ASAP2: variants seen among roughly 807,000 people sequenced by gnomAD.
ASAP2 encodes ArfGAP with SH3 domain, ankyrin repeat and PH domain 2.
A neutral mutation model predicts 131.4 loss-of-function variants in ASAP2; 45 were observed. That is an observed-to-expected ratio of 0.34 (90% CI 0.27 to 0.44). The LOEUF is 0.44. Among genes scored for constraint, ASAP2 ranks in the 20% least tolerant of loss-of-function variants. The pLI, the probability that ASAP2 is intolerant of heterozygous loss-of-function variation, is 1.00. For synonymous variants in ASAP2, 510 were observed against 503.0 expected (o/e 1.01, Z -0.19); for missense variants, 1,011 against 1,297.0 (o/e 0.78, Z 3.39).
intron 2 of ASAP2, among the ~76,000 whole-genome samples, chr2:9,286,465 G>T (rs962982783): frequency 1.4e-5 from 2 of 145,304 alleles, no homozygotes; most frequent in African/African-American, 5.3e-5. Context: ...TATATATACT[G>T]TATCTGATTT....
chr2:9,349,753 G>T (rs1672209905), intron 11 of ASAP2, among the ~76,000 whole-genome samples: 2 of 152,170 alleles, frequency 1.3e-5, no homozygotes, highest in African/African-American at 4.8e-5. Flanking sequence ...GCAAGGATGG[G>T]TTCAACTCTC....
intron 19 of ASAP2, 107 bp from the exon 20 acceptor site, chr2:9,380,634 C>T (rs1674765006): frequency 2.0e-6 from 2 of 1,025,624 alleles, no homozygotes; most frequent in Non-Finnish European, 1.6e-6. Flanking sequence ...TAACCAGGCC[C>T]AATTTAATTT....
chr2:9,331,870 A>T (rs1410899298), intron 7 of ASAP2, among the ~76,000 whole-genome samples: 1 of 152,176 alleles, frequency 6.6e-6, no homozygotes. Context: ...GCTGTTGCTC[A>T]GTGAACTTGG....
intron 25 of ASAP2, 94 bp from the exon 26 acceptor site, chr2:9,400,648 C>T: frequency 3.4e-6 from 4 of 1,189,940 alleles, no homozygotes; most frequent in Non-Finnish European, 5.0e-6. Flanking sequence ...CTGGGGAAAC[C>T]TGCTTTCAGA....
In ASAP2 at chr2:9,207,493, C is replaced by T. The variant is rs1661201040; in HGVS notation, c.126+263C>T. ...GTTCCGCGGCCTGGTCTTTTCCCCGCAGCGCGGCCAACTTTGTCCAGAGTC... is the reference window on the plus strand; with the variant it reads ...GTTCCGCGGCCTGGTCTTTTCCCCGTAGCGCGGCCAACTTTGTCCAGAGTC... On this transcript the variant is annotated intron_variant, in intron 1 of 27. Transcript: ENST00000281419. The surrounding 1 kb of genome is among the most constrained non-coding windows in gnomAD (Gnocchi z 4.1). Among the ~76,000 whole-genome samples, 1 of 152,016 alleles carries T rather than the reference C, an allele frequency of 6.6e-6. No individual in the cohort carries two copies. Among genetic ancestry groups the T allele is most frequent in the Admixed American group, 6.5e-5 (1 of 15,278 alleles).
At chr2:9,352,344 C>T (rs897106492) in intron 12 of ASAP2, among the ~76,000 whole-genome samples, 2 of 152,164 alleles carry the variant, frequency 1.3e-5, no homozygotes, top group Admixed American at 6.5e-5. Context: ...CTGATGTCTG[C>T]CAGTGGCTGG....
At chr2:9,318,895 G>A (rs1378980411) in intron 4 of ASAP2, among the ~76,000 whole-genome samples, 1 of 152,264 alleles carries the variant, frequency 6.6e-6, no homozygotes, top group Non-Finnish European at 1.5e-5. Flanking sequence ...TCTCCAGGGA[G>A]CAGGGAAACC....
chr2:9,300,669 A>G (rs1668423965), intron 3 of ASAP2, among the ~76,000 whole-genome samples: 1 of 152,222 alleles, frequency 6.6e-6, no homozygotes, highest in Non-Finnish European at 1.5e-5. Flanking sequence ...TGTGCAGGAT[A>G]GTTTGTATCA....
intron 12 of ASAP2, among the ~76,000 whole-genome samples, chr2:9,355,373 C>G (rs528860231): frequency 2.6e-5 from 4 of 152,244 alleles, no homozygotes; most frequent in South Asian, 4.1e-4. Flanking sequence ...TTGGATTTCT[C>G]TAGTGTTTTC....
chr2:9,332,776 T>C (rs189155016), intron 7 of ASAP2, among the ~76,000 whole-genome samples: 1 of 152,292 alleles, frequency 6.6e-6, no homozygotes. Context: ...TTCACAAGAA[T>C]TTGAAATGAT....
chr2:9,335,084 T>TG lies in ASAP2; in HGVS notation c.763-9_763-8insG, dbSNP rs753203185. The TG allele has an allele frequency of 6.2e-7, 1 of 1,613,528 alleles. No homozygotes were observed. Among genetic ancestry groups the TG allele is most frequent in the Non-Finnish European group, 8.5e-7 (1 of 1,179,554 alleles). On this transcript the variant is annotated splice_polypyrimidine_tract_variant and intron_variant, in intron 8 of 27. Coordinates refer to ENST00000281419, the MANE Select transcript of ASAP2 (RefSeq NM_003887.3). ...TGATTGGTTCTGTTGTGTGTGTGTG[T>TG]TTTTAAAGATCAAACAGGCCCAGGA...
chr2:9,228,533 A>C (rs1456800309), intron 1 of ASAP2, among the ~76,000 whole-genome samples: 1 of 152,092 alleles, frequency 6.6e-6, no homozygotes, highest in Non-Finnish European at 1.5e-5. Context: ...GAGTAAACCC[A>C]TTTGGGAGCT....
chr2:9,331,199 A>G (rs551286361), intron 7 of ASAP2, among the ~76,000 whole-genome samples: 2 of 152,364 alleles, frequency 1.3e-5, no homozygotes, highest in East Asian at 3.9e-4. Flanking sequence ...TGAAGAGGCC[A>G]CTGTGTAAAC....
chr2:9,282,846 ATC>A (rs1452537506), intron 2 of ASAP2, among the ~76,000 whole-genome samples: 3 of 152,156 alleles, frequency 2.0e-5, no homozygotes, highest in African/African-American at 7.2e-5. Flanking sequence ...CATTTGACCC[ATC>A]TCTGTACCAG....
At chr2:9,313,428 T>C (rs1046886232) in intron 3 of ASAP2, among the ~76,000 whole-genome samples, 5 of 152,252 alleles carry the variant, frequency 3.3e-5, no homozygotes, top group African/African-American at 9.6e-5. Context: ...TTCATGTTCA[T>C]GTGTGTACTC....
chr2:9,308,308 G>T (rs570159846), intron 3 of ASAP2, among the ~76,000 whole-genome samples: 1 of 152,302 alleles, frequency 6.6e-6, no homozygotes, highest in Non-Finnish European at 1.5e-5. Flanking sequence ...GGGCAAGAAT[G>T]AGGCGGGAGG....
At chr2:9,273,733 G>C (rs1182526728) in intron 1 of ASAP2, among the ~76,000 whole-genome samples, 1 of 152,192 alleles carries the variant, frequency 6.6e-6, no homozygotes. Flanking sequence ...GACCAGATGA[G>C]CCAGTTTATT....
Position 9,327,897 on chromosome 2 carries a change from T to C in ASAP2, c.672T>C (p.Phe224=), listed in dbSNP as rs766577729. Residue 224 remains phenylalanine, a synonymous_variant, in exon 7 of 28, where the codon TTT becomes TTC. Coordinates refer to ENST00000281419, the MANE Select transcript of ASAP2 (RefSeq NM_003887.3). ...TACTTCAGAATCTGATCAAATACTT[T>C]CATGCCCAATGCAAGTAAGTTCTTC... ...VDLLQNLIKY[F]HAQCNFFQDG... is the part of the protein sequence containing the mutation. 6.3e-7 allele frequency: 1 copy of C among 1,576,602 alleles called. No individual in the cohort carries two copies. The highest frequency in any genetic ancestry group is 8.6e-7 in the Non-Finnish European group (1 of 1,167,604).
chr2:9,272,728 T>G (rs905787795), intron 1 of ASAP2, among the ~76,000 whole-genome samples: 6 of 152,240 alleles, frequency 3.9e-5, no homozygotes, highest in Non-Finnish European at 8.8e-5. Context: ...TTGATTTTTG[T>G]GTATGGTGAA....
Sources: gnomAD v4.1 joint callset for allele counts (sites outside exome capture counted in the v4.1 genomes callset) on GRCh38, gnomAD v4.1.1 for gene constraint, Gnocchi (gnomAD v3.1) non-coding constraint, MANE v1.5 for transcripts, NCBI Gene and HGNC (gene_info 2026-07-23, HGNC 2026-07-21) for gene names.